Variants in GLMN observed in about 807,000 individuals in gnomAD.
GLMN encodes glomulin.
A neutral mutation model predicts 87.8 loss-of-function variants in GLMN; 75 were observed. The ratio of observed to expected loss-of-function variants is 0.85; its 90% confidence interval spans 0.71 to 1.04. The LOEUF is 1.04. GLMN is among the 50% of genes least tolerant of loss of function. The pLI is 0.00. For missense variants in GLMN, 588 were observed against 658.8 expected (o/e 0.89, Z 1.18); for synonymous variants, 206 against 221.6 (o/e 0.93, Z 0.63).
chr1:92,281,506 T>C (rs915008945), intron 7 of GLMN, among the ~76,000 whole-genome samples: 5 of 152,186 alleles, frequency 3.3e-5, no homozygotes, highest in Admixed American at 6.5e-5. Flanking sequence ...TACCAGCTAC[T>C]GCAAAAACAT....
At chr1:92,369,346 C>T in the GLMN span, among the ~76,000 whole-genome samples, 1 of 152,132 alleles carries the variant, frequency 6.6e-6, no homozygotes, top group Admixed American at 6.5e-5. Context: ...GGTTGGAGTA[C>T]AGTGACATGA....
At chr1:92,248,027 ATGAT>A (rs780185005) in intron 16 of GLMN, 38 bp from the exon 17 acceptor site, 10 of 835,352 alleles carry the variant, frequency 1.2e-5, no homozygotes, top group South Asian at 4.0e-5. Context: ...TAGTTCAACA[ATGAT>A]TGATTGCCTA....
chr1:92,262,889 T>C lies in GLMN; in HGVS notation c.1447A>G (p.Ile483Val). 8.6e-7 allele frequency: 1 copy of C among 1,161,112 alleles called. No homozygotes were observed. The highest frequency in any genetic ancestry group is 1.2e-5 in the South Asian group (1 of 82,014). 71.9% of individuals were successfully genotyped at this position (1,161,112 alleles called of 1,614,324 possible). Residue 483 changes from isoleucine (I) to valine (V), a missense_variant, in exon 16 of 19, where the codon ATC becomes GTC. By Grantham distance (29) the Ile-to-Val change is conservative (BLOSUM62 3). Coordinates refer to ENST00000370360, the MANE Select transcript of GLMN (RefSeq NM_053274.3). ...ASLNLLRYLVIKDNENDNQTG... is the reference protein window; with the variant it reads ...ASLNLLRYLVVKDNENDNQTG... ...TGATTGTCATTTTCATTATCTTTGATAACCAAATACCTCAATAAATTTAAT... is the reference window on the plus strand; with the variant it reads ...TGATTGTCATTTTCATTATCTTTGACAACCAAATACCTCAATAAATTTAAT...
chr1:92,358,816 A>G, the GLMN span, among the ~76,000 whole-genome samples: 1 of 152,120 alleles, frequency 6.6e-6, no homozygotes. Flanking sequence ...TTGAACTCCT[A>G]AACTTAAGTG....
chr1:92,261,822 C>CAGAGGGT (rs1557521873), intron 16 of GLMN, among the ~76,000 whole-genome samples: 6 of 150,340 alleles, frequency 4.0e-5, no homozygotes, highest in Non-Finnish European at 8.9e-5. Context: ...AATAGACTGA[C>CAGAGGGT]GGAGTGATAG....
At position 92,298,911 on chromosome 1, in the gene GLMN, A is replaced by C. The variant is rs1361164631; in HGVS notation, c.-31+14T>G. The stretch of plus-strand genomic sequence containing the variant: ...AGCCCTGGCCACCCTGAACCTCTCC[A>C]CAACTCCACTTACCGGCCAGAACCC... On this transcript the variant is annotated intron_variant, in intron 1 of 18. Transcript: ENST00000370360. 6 of 451,428 alleles carry C rather than the reference A, an allele frequency of 1.3e-5. No individual in the cohort carries two copies. The highest frequency in any genetic ancestry group is 1.2e-4 in the African/African-American group (6 of 48,972). 28.0% of individuals were successfully genotyped at this position (451,428 alleles called of 1,614,324 possible).
chr1:92,289,629 A>G (rs1447694130), intron 5 of GLMN, among the ~76,000 whole-genome samples: 2 of 152,186 alleles, frequency 1.3e-5, no homozygotes, highest in African/African-American at 4.8e-5. Context: ...GAATTTCCTA[A>G]AATGAAAAAT....
intron 16 of GLMN, among the ~76,000 whole-genome samples, chr1:92,259,006 TCACA>T (rs1341307891): frequency 6.6e-6 from 1 of 152,188 alleles, no homozygotes; most frequent in Non-Finnish European, 1.5e-5. Flanking sequence ...AAAAGCACAC[TCACA>T]CAGACTAAGC....
At chr1:92,319,125 T>G in the GLMN span, among the ~76,000 whole-genome samples, 3 of 152,234 alleles carry the variant, frequency 2.0e-5, no homozygotes, top group Admixed American at 2.0e-4. Flanking sequence ...TGCCTTTATA[T>G]ACAGACTGTA....
chr1:92,271,694 T>A, intron 7 of GLMN, 42 bp from the exon 8 acceptor site: 1 of 1,344,228 alleles, frequency 7.4e-7, no homozygotes, highest in Non-Finnish European at 1.1e-6. Context: ...ACACAGACTC[T>A]AAAATGCCCC....
the GLMN span, among the ~76,000 whole-genome samples, chr1:92,321,620 C>T: frequency 6.6e-6 from 1 of 152,084 alleles, no homozygotes; most frequent in South Asian, 2.1e-4. Context: ...GTTGCCTTCC[C>T]TTTTTCGTAA....
At chr1:92,250,819 CAA>C (rs1653381403) in intron 16 of GLMN, among the ~76,000 whole-genome samples, 1 of 151,952 alleles carries the variant, frequency 6.6e-6, no homozygotes, top group Non-Finnish European at 1.5e-5. Flanking sequence ...TATTATTTTT[CAA>C]AGTCAGGTTT....
chr1:92,281,001 C>T (rs181764826), intron 7 of GLMN, among the ~76,000 whole-genome samples: 50 of 152,180 alleles, frequency 3.3e-4, no homozygotes, highest in African/African-American at 1.1e-3. Context: ...ATTGGTGCAC[C>T]GGAAAGTGAC....
At chr1:92,317,623 C>T in the GLMN span, among the ~76,000 whole-genome samples, 6 of 152,052 alleles carry the variant, frequency 3.9e-5, no homozygotes, top group African/African-American at 1.2e-4. Flanking sequence ...TGCATGGTGG[C>T]GATAGTTGCA....
the GLMN span, among the ~76,000 whole-genome samples, chr1:92,366,839 A>ATT: frequency 1.3e-5 from 2 of 152,242 alleles, no homozygotes; most frequent in South Asian, 4.2e-4. Context: ...AATAGGTGAC[A>ATT]TTTTGACCCT....
intron 16 of GLMN, among the ~76,000 whole-genome samples, chr1:92,260,328 C>T (rs1248198337): frequency 6.6e-6 from 1 of 151,928 alleles, no homozygotes; most frequent in Non-Finnish European, 1.5e-5. Flanking sequence ...ATGAGAGATG[C>T]CTGTTGGCTG....
chr1:92,299,120 C>T (rs1200343898), upstream of GLMN: 13 of 1,522,138 alleles, frequency 8.5e-6, no homozygotes, highest in Non-Finnish European at 8.8e-7. Flanking sequence ...AAGGCCGGGG[C>T]TCCCCGCTGC....
At chr1:92,305,153 C>T in the GLMN span, among the ~76,000 whole-genome samples, 1 of 150,966 alleles carries the variant, frequency 6.6e-6, no homozygotes, top group African/African-American at 2.4e-5. Context: ...AGACAATAGA[C>T]CGGGCGCCCT....
At chr1:92,352,946 CAT>C in the GLMN span, among the ~76,000 whole-genome samples, 1 of 152,206 alleles carries the variant, frequency 6.6e-6, no homozygotes, top group South Asian at 2.1e-4. Flanking sequence ...TAAATGGAAT[CAT>C]ATGTGACCTT....
Sources: allele counts gnomAD v4.1 joint callset (sites outside exome capture counted in the v4.1 genomes callset), GRCh38; gene constraint gnomAD v4.1.1; transcripts MANE v1.5; gene names NCBI Gene and HGNC (gene_info 2026-07-23, HGNC 2026-07-21).